PDE5A: variants seen among roughly 807,000 people sequenced by gnomAD.
PDE5A encodes the protein cGMP-specific 3',5'-cyclic phosphodiesterase.
In PDE5A, 67 loss-of-function variants were observed where a neutral mutation model predicts 110.2. The observed-to-expected ratio is 0.61, with a 90% CI of 0.50 to 0.75. The LOEUF (loss-of-function observed/expected upper bound fraction) is 0.75. Ranked by LOEUF, PDE5A falls within the 30% of genes least tolerant of loss-of-function variation. The pLI is 0.00. For missense variants in PDE5A, 862 were observed against 1,045.1 expected (o/e 0.82, Z 2.42); for synonymous variants, 328 against 351.2 (o/e 0.93, Z 0.74).
chr4:119,540,066 C>A (rs1204124617), intron 10 of PDE5A, among the ~76,000 whole-genome samples: 1 of 151,932 alleles, frequency 6.6e-6, no homozygotes, highest in Non-Finnish European at 1.5e-5. Flanking sequence ...TTTAAACATT[C>A]TTTTAAACCA....
chr4:119,543,597 A>C (rs1727025042), intron 9 of PDE5A, among the ~76,000 whole-genome samples: 1 of 152,188 alleles, frequency 6.6e-6, no homozygotes, highest in Non-Finnish European at 1.5e-5. Context: ...CATTTGCTCA[A>C]AGCCACTTAG....
chr4:119,517,581 G>A (rs928893834), intron 14 of PDE5A, among the ~76,000 whole-genome samples: 1 of 148,988 alleles, frequency 6.7e-6, no homozygotes, highest in African/African-American at 2.5e-5. Flanking sequence ...CTTTTTCCCA[G>A]GATGTTTTCT....
chr4:119,614,602 GA>G, intron 1 of PDE5A, among the ~76,000 whole-genome samples: 1 of 152,130 alleles, frequency 6.6e-6, no homozygotes, highest in Non-Finnish European at 1.5e-5. Context: ...TGAACCTTTT[GA>G]AAGCACTTGG....
chr4:119,582,581 C>T (rs1301376020), intron 3 of PDE5A, among the ~76,000 whole-genome samples: 2 of 152,178 alleles, frequency 1.3e-5, no homozygotes, highest in Non-Finnish European at 2.9e-5. Flanking sequence ...TTTCAATTTA[C>T]TCTTCCCAGA....
At chr4:119,572,773 T>C (rs576557098) in intron 3 of PDE5A, among the ~76,000 whole-genome samples, 2 of 152,320 alleles carry the variant, frequency 1.3e-5, no homozygotes, top group East Asian at 3.9e-4. Flanking sequence ...CAAATGCTGC[T>C]GGTCCAGGCA....
intron 1 of PDE5A, among the ~76,000 whole-genome samples, chr4:119,615,747 T>A (rs772589561): frequency 6.6e-6 from 1 of 152,164 alleles, no homozygotes; most frequent in African/African-American, 2.4e-5. Flanking sequence ...TAATCTGGAC[T>A]CTCCACTTTC....
At chr4:119,566,199 G>A (rs544627273) in intron 4 of PDE5A, among the ~76,000 whole-genome samples, 1 of 152,058 alleles carries the variant, frequency 6.6e-6, no homozygotes, top group South Asian at 2.1e-4. Context: ...TCTATTACTC[G>A]ATTTAAAAAG....
At chr4:119,600,928 C>T (rs1243713180) in intron 2 of PDE5A, among the ~76,000 whole-genome samples, 1 of 152,154 alleles carries the variant, frequency 6.6e-6, no homozygotes, top group African/African-American at 2.4e-5. Flanking sequence ...GTAGATATCA[C>T]TTTAAAAAAG....
chr4:119,550,226 C>G (rs368324547), intron 9 of PDE5A: 2 of 152,174 alleles, frequency 1.3e-5, no homozygotes, highest in Non-Finnish European at 2.9e-5. Context: ...GAAATCATTT[C>G]TTTTCCTTTC....
At chr4:119,510,825 A>G (rs1354531700) in intron 15 of PDE5A, among the ~76,000 whole-genome samples, 1 of 152,128 alleles carries the variant, frequency 6.6e-6, no homozygotes, top group Non-Finnish European at 1.5e-5. Flanking sequence ...GTAGAGTAGA[A>G]TAACCAAATT....
intron 19 of PDE5A, among the ~76,000 whole-genome samples, chr4:119,502,182 T>C (rs1725369120): frequency 6.6e-6 from 1 of 152,102 alleles, no homozygotes; most frequent in Non-Finnish European, 1.5e-5. Flanking sequence ...GTGAAACATC[T>C]ATGATGGATG....
At chr4:119,628,489 G>A in intron 1 of PDE5A, 31 bp downstream of exon 1, 1 of 1,517,364 alleles carries the variant, frequency 6.6e-7, no homozygotes, top group African/African-American at 1.4e-5. Flanking sequence ...AGAGAAATCA[G>A]CCCCGGGTCT....
At chr4:119,605,681 T>A (rs1348987994) in intron 2 of PDE5A, among the ~76,000 whole-genome samples, 1 of 151,472 alleles carries the variant, frequency 6.6e-6, no homozygotes, top group Non-Finnish European at 1.5e-5. Flanking sequence ...TCTTTCCCAC[T>A]AGATGTCCTA....
chr4:119,578,157 A>G (rs1373296912), intron 3 of PDE5A, among the ~76,000 whole-genome samples: 1 of 152,184 alleles, frequency 6.6e-6, no homozygotes, highest in Admixed American at 6.5e-5. Flanking sequence ...TTCAAGGAGA[A>G]CTACAAACCA....
At position 119,607,185 on chromosome 4, in the gene PDE5A, C is replaced by A; in HGVS notation, c.265G>T (p.Ala89Ser). The A allele has an allele frequency of 6.2e-7, 1 of 1,614,140 alleles. No individual in the cohort carries two copies. Among genetic ancestry groups the A allele is most frequent in the African/African-American group, 1.3e-5 (1 of 75,050 alleles). The change falls in exon 2 of 21, where the codon GCA becomes TCA. Residue 89 changes from alanine (A) to serine (S), a missense_variant. Transcript: ENST00000354960. ...GGTGTTCCAGGGGCACTGTTATCTG[C>A]ACGAGGACTCTGCTGCAAGGGACAA... ...CSCPLQQSPR[A>S]DNSAPGTPTR...
intron 9 of PDE5A, among the ~76,000 whole-genome samples, chr4:119,544,037 A>G (rs1727044985): frequency 6.6e-6 from 1 of 152,212 alleles, no homozygotes; most frequent in African/African-American, 2.4e-5. Context: ...AATTAATGAA[A>G]GAATGTAGAA....
chr4:119,614,650 C>A (rs1729872897), intron 1 of PDE5A, among the ~76,000 whole-genome samples: 1 of 152,128 alleles, frequency 6.6e-6, no homozygotes, highest in Non-Finnish European at 1.5e-5. Flanking sequence ...CATAAAATAT[C>A]TCCTTAAATC....
intron 5 of PDE5A, among the ~76,000 whole-genome samples, chr4:119,564,032 G>T (rs1560617655): frequency 6.6e-6 from 1 of 150,562 alleles, no homozygotes; most frequent in East Asian, 1.9e-4. Flanking sequence ...CATGATGAAT[G>T]AAAAAAAATA....
Position 119,515,752 on chromosome 4 carries a change from C to T in PDE5A, c.2000+3293G>A, listed in dbSNP as rs183032682. Among the ~76,000 whole-genome samples the T allele has an allele frequency of 2.6e-5, 4 of 152,180 alleles. No individual in the cohort carries two copies. In the East Asian group the frequency reaches 7.7e-4, roughly 29 times the overall value. On this transcript the variant is annotated intron_variant, in intron 14 of 20. Transcript: ENST00000354960. ...AAATTTTTTTCTCCTTCAGTCTCTTCCTCTCTCTAGCCAGTATGTGATTTT... is the reference window on the plus strand; with the variant it reads ...AAATTTTTTTCTCCTTCAGTCTCTTTCTCTCTCTAGCCAGTATGTGATTTT...
Sources: allele counts gnomAD v4.1 joint callset (sites outside exome capture counted in the v4.1 genomes callset), GRCh38; gene constraint gnomAD v4.1.1; transcripts MANE v1.5; gene names NCBI Gene and HGNC (gene_info 2026-07-23, HGNC 2026-07-21).